CEP120: variants seen among roughly 807,000 people sequenced by gnomAD.
CEP120 encodes centrosomal protein 120, also known as centrosomal protein of 120 kDa.
Under a neutral mutation model 126.5 loss-of-function variants are expected in CEP120, and 113 were observed. That is an observed-to-expected ratio of 0.89 (90% CI 0.77 to 1.04). The LOEUF (loss-of-function observed/expected upper bound fraction) is 1.04. CEP120 is among the 50% of genes least tolerant of loss of function. The probability of loss-of-function intolerance (pLI) is 0.00; values close to 1 mark genes in which losing one functional copy is unlikely to be tolerated. For missense variants in CEP120, 1,230 were observed against 1,155.7 expected (o/e 1.06, Z -0.93); for synonymous variants, 400 against 394.3 (o/e 1.01, Z -0.17).
Position 123,346,387 on chromosome 5 carries a change from A to G in CEP120, c.*132T>C, listed in dbSNP as rs1343281460. 3.1e-6 allele frequency: 2 copies of G among 636,018 alleles called. No homozygotes were observed. The highest frequency in any genetic ancestry group is 3.5e-4 in the Middle Eastern group (1 of 2,828). The allele number at this position is 636,018 out of a possible 1,614,324, so 39.4% of individuals were successfully genotyped here. Reference sequence around the variant, plus strand: ...AATAAGATCAAATAAATACTATACAATAACATACAAAATTTTGCTTATAAA... The same window carrying G: ...AATAAGATCAAATAAATACTATACAGTAACATACAAAATTTTGCTTATAAA... On this transcript the variant is annotated 3_prime_UTR_variant, in exon 20 of 20. Coordinates refer to ENST00000306467, the MANE Select transcript of CEP120 (RefSeq NM_001375405.1).
chr5:123,369,700 C>T (rs1770715009), intron 17 of CEP120, among the ~76,000 whole-genome samples: 1 of 151,624 alleles, frequency 6.6e-6, no homozygotes, highest in East Asian at 1.9e-4. Context: ...TCAAAGAGGC[C>T]TTCCTTAACC....
At chr5:123,395,544 C>T (rs1023721877) in intron 5 of CEP120, among the ~76,000 whole-genome samples, 15 of 152,270 alleles carry the variant, frequency 9.9e-5, no homozygotes, top group African/African-American at 3.6e-4. Flanking sequence ...CACAAATCTG[C>T]TTGTAGGAAC....
chr5:123,403,661 T>C (rs776458502), intron 4 of CEP120: 6 of 383,286 alleles, frequency 1.6e-5, no homozygotes, highest in South Asian at 1.2e-4. Flanking sequence ...AAAGTTAGCA[T>C]CAGAAATAGG....
chr5:123,372,905 T>A, intron 16 of CEP120, 133 bp from the exon 17 acceptor site: 1 of 670,170 alleles, frequency 1.5e-6, no homozygotes, highest in Non-Finnish European at 2.4e-6. Flanking sequence ...ACTGATAAAG[T>A]ACAATGAGGA....
chr5:123,385,324 T>C (rs984102754), intron 10 of CEP120, among the ~76,000 whole-genome samples, 191 bp from the exon 11 acceptor site: 12 of 152,246 alleles, frequency 7.9e-5, no homozygotes, highest in Non-Finnish European at 1.3e-4. Context: ...CCATCAATGA[T>C]GAACCTCACA....
At chr5:123,414,796 C>T (rs1774275369) in intron 3 of CEP120, among the ~76,000 whole-genome samples, 1 of 151,168 alleles carries the variant, frequency 6.6e-6, no homozygotes, top group African/African-American at 2.4e-5. Flanking sequence ...GAAACCCCGT[C>T]TCTACTAAAA....
intron 18 of CEP120, among the ~76,000 whole-genome samples, chr5:123,358,961 A>AAT (rs1769865806): frequency 6.6e-6 from 1 of 152,116 alleles, no homozygotes; most frequent in South Asian, 2.1e-4. Context: ...GTTTTCTGAA[A>AAT]ATAACCCAGA....
At chr5:123,361,122 G>A (rs914291036) in intron 18 of CEP120, among the ~76,000 whole-genome samples, 1 of 151,672 alleles carries the variant, frequency 6.6e-6, no homozygotes, top group Non-Finnish European at 1.5e-5. Flanking sequence ...AATGTGTAAT[G>A]ACTGTTCACT....
intron 18 of CEP120, 134 bp from the exon 19 acceptor site, chr5:123,350,223 T>A (rs1580622867): frequency 4.3e-6 from 3 of 693,258 alleles, no homozygotes; most frequent in Admixed American, 3.3e-5. Flanking sequence ...TTTTTTTTTT[T>A]AACAGAGTCT....
rs1261998685 is a variant in CEP120, at chr5:123,345,874, C to T, written c.*645G>A. 1 of 152,098 alleles carries T rather than the reference C, an allele frequency of 6.6e-6. No individual in the cohort carries two copies. Among genetic ancestry groups the T allele is most frequent in the African/African-American group, 2.4e-5 (1 of 41,428 alleles). The allele number at this position is 152,098 out of a possible 1,614,324, so 9.4% of individuals were successfully genotyped here. A position where few individuals can be genotyped will look rare whatever the true frequency, so the allele number is the denominator to read the frequency against. On this transcript the variant is annotated 3_prime_UTR_variant, in exon 20 of 20. Coordinates refer to ENST00000306467, the MANE Select transcript of CEP120 (RefSeq NM_001375405.1). Reference sequence around the variant, plus strand: ...CAGAGAAAACTATATTAAGCTAATACTTCATGTTCTTAAAAGTTATAAATA... The same window carrying T: ...CAGAGAAAACTATATTAAGCTAATATTTCATGTTCTTAAAAGTTATAAATA...
intron 16 of CEP120, among the ~76,000 whole-genome samples, chr5:123,375,565 C>T (rs916902414): frequency 1.4e-5 from 2 of 143,996 alleles, no homozygotes; most frequent in Non-Finnish European, 3.1e-5. Flanking sequence ...TCAAGCACTC[C>T]TCCCACCTCA....
intron 14 of CEP120, among the ~76,000 whole-genome samples, chr5:123,381,767 A>C (rs902063094): frequency 4.0e-5 from 6 of 150,608 alleles, no homozygotes; most frequent in Middle Eastern, 6.8e-3. Context: ...ACACACACAT[A>C]TTTTTTTTTA....
chr5:123,375,320 A>G (rs1272962800), intron 16 of CEP120, among the ~76,000 whole-genome samples: 2 of 148,066 alleles, frequency 1.4e-5, no homozygotes, highest in Middle Eastern at 3.3e-3. Flanking sequence ...CACCATACAC[A>G]AGTCTTTTTC....
At position 123,382,993 on chromosome 5, in the gene CEP120, G is replaced by T; in HGVS notation, c.1853C>A (p.Ser618Ter). The T allele has an allele frequency of 6.3e-7, 1 of 1,598,024 alleles. No individual in the cohort carries two copies. Among genetic ancestry groups the T allele is most frequent in the Non-Finnish European group, 8.6e-7 (1 of 1,168,556 alleles). The change falls in exon 12 of 20, where the codon TCA (serine) becomes TAA (stop). Residue 618 changes from serine to a stop codon, truncating the protein, a stop_gained. Transcript: ENST00000306467. LOFTEE classifies it high-confidence loss of function. ...VKMREIFISD[S>*]SQGVSAVQQK... Reference sequence around the variant, plus strand: ...ACATTCAATTATATTTACCTGAGATGAATCAGAGATAAAAATCTCACGCAT... The same window carrying T: ...ACATTCAATTATATTTACCTGAGATTAATCAGAGATAAAAATCTCACGCAT...
At chr5:123,352,729 TATG>T (rs1246226075) in intron 18 of CEP120, among the ~76,000 whole-genome samples, 8 of 152,156 alleles carry the variant, frequency 5.3e-5, no homozygotes, top group Non-Finnish European at 1.0e-4. Flanking sequence ...GCTGAGATTT[TATG>T]ATGATTATAT....
rs1768810965 is a variant in CEP120 at position 123,346,316 on chromosome 5, A to T, written c.*203T>A. The T allele has an allele frequency of 2.2e-6, 1 of 451,598 alleles. No homozygotes were observed. Among genetic ancestry groups the T allele is most frequent in the South Asian group, 4.9e-5 (1 of 20,280 alleles). The allele number at this position is 451,598 out of a possible 1,614,324, so 28.0% of individuals were successfully genotyped here. A position where few individuals can be genotyped will look rare whatever the true frequency, so the allele number is the denominator to read the frequency against. ...AAAGTCATTTAAAATGAGTATATAAATGCAAATTACAAATAAAACCAGTGT... is the reference window on the plus strand; with the variant it reads ...AAAGTCATTTAAAATGAGTATATAATTGCAAATTACAAATAAAACCAGTGT... On this transcript the variant is annotated 3_prime_UTR_variant, in exon 20 of 20. Coordinates refer to ENST00000306467, the MANE Select transcript of CEP120 (RefSeq NM_001375405.1).
intron 16 of CEP120, among the ~76,000 whole-genome samples, chr5:123,374,480 GT>G (rs1228889156): frequency 9.9e-5 from 15 of 151,432 alleles, no homozygotes; most frequent in Admixed American, 2.0e-4. Context: ...TTTTGAATGA[GT>G]TTTTTTTTAA....
In CEP120 at chr5:123,418,457, T is replaced by C. The variant is rs1289971154; in HGVS notation, c.108A>G (p.Gly36=). Residue 36 remains glycine, a synonymous_variant, in exon 2 of 20, where the codon GGA becomes GGG. Coordinates refer to ENST00000306467, the MANE Select transcript of CEP120 (RefSeq NM_001375405.1). The part of the protein sequence containing the change: ...HMLVVEAKFD[G]EQLATDPVDH... The stretch of plus-strand genomic sequence containing the variant: ...CCACAGGATCAGTAGCCAACTGTTC[T>C]CCATCAAACTTTGCTTCCACTACAA... 6.2e-7 allele frequency: 1 copy of C among 1,612,078 alleles called. No homozygotes were observed. Among genetic ancestry groups the C allele is most frequent in the East Asian group, 2.2e-5 (1 of 44,880 alleles).
chr5:123,373,342 A>G (rs183223627), intron 16 of CEP120, among the ~76,000 whole-genome samples: 8 of 152,214 alleles, frequency 5.3e-5, no homozygotes. Flanking sequence ...AAAGAAGGAA[A>G]AAGAAACCAG....
Sources: gnomAD v4.1 joint callset for allele counts (sites outside exome capture counted in the v4.1 genomes callset) on GRCh38, gnomAD v4.1.1 for gene constraint, MANE v1.5 for transcripts, NCBI Gene and HGNC (gene_info 2026-07-23, HGNC 2026-07-21) for gene names.